EIF2A: variants seen among roughly 807,000 people sequenced by gnomAD.
EIF2A encodes eukaryotic translation initiation factor 2A.
Under a neutral mutation model 75.2 loss-of-function variants are expected in EIF2A, and 62 were observed. The observed-to-expected ratio is 0.82, with a 90% confidence interval of 0.67 to 1.02. The LOEUF is 1.02. EIF2A is among the 50% of genes least tolerant of loss of function. The pLI is 0.00. For missense variants in EIF2A, 611 were observed against 677.7 expected, an observed-to-expected ratio of 0.90 and a Z score of 1.09; for synonymous variants, 207 against 239.0, an observed-to-expected ratio of 0.87 and a Z score of 1.23.
At chr3:150,566,451 AG>A in intron 6 of EIF2A, 1 of 152,316 alleles carries the variant, frequency 6.6e-6, no homozygotes, top group East Asian at 1.9e-4. Flanking sequence ...GCAAAAAAAA[AG>A]GTATTTAGGT....
At position 150,564,398 on chromosome 3, in the gene EIF2A, G is replaced by T; in HGVS notation, c.475+17G>T. 2 of 1,559,922 alleles carry T rather than the reference G, an allele frequency of 1.3e-6. No individual in the cohort carries two copies. The highest frequency in any genetic ancestry group is 1.2e-5 in the South Asian group (1 of 82,342). On this transcript the variant is annotated intron_variant, in intron 6 of 13. Coordinates refer to ENST00000460851, the MANE Select transcript of EIF2A (RefSeq NM_032025.5). ...ACAATTTTAGTATGGAAAGATTTAT[G>T]ACATAATTTTATTACTTACTGTAAT...
chr3:150,572,528 T>C lies in EIF2A; in HGVS notation c.1382T>C (p.Leu461Ser), dbSNP rs1724596950. 1 of 1,598,922 alleles carries C rather than the reference T, an allele frequency of 6.3e-7. No individual in the cohort carries two copies. Among genetic ancestry groups the C allele is most frequent in the African/African-American group, 1.4e-5 (1 of 74,018 alleles). ...AATAAACCAATCACCAATTCCAAAT[T>C]GGTAAGTAAAGTTTTACTACTTTTA... ...LRNKPITNSK[L>S]HEEEPPQNMK... The change falls in exon 10 of 14, where the codon TTG becomes TCG. Residue 461 changes from leucine to serine, a missense_variant and splice_region_variant. Coordinates refer to ENST00000460851, the MANE Select transcript of EIF2A (RefSeq NM_032025.5).
chr3:150,563,571 G>T lies in EIF2A; in HGVS notation c.349G>T (p.Gly117Trp). 1 of 1,541,762 alleles carries T rather than the reference G, an allele frequency of 6.5e-7. No homozygotes were observed. Among genetic ancestry groups the T allele is most frequent in the South Asian group, 1.2e-5 (1 of 80,186 alleles). Reference protein sequence around the residue: ...PNLQLYDVKTGTCLKSFIQKK... With the variant: ...PNLQLYDVKTWTCLKSFIQKK... Reference sequence around the variant, plus strand: ...CCTACAACTTTATGATGTGAAAACTGGGACATGTTTGAAATCTTTCATCCA... The same window carrying T: ...CCTACAACTTTATGATGTGAAAACTTGGACATGTTTGAAATCTTTCATCCA... The change falls in exon 5 of 14, where the codon GGG (glycine) becomes TGG (tryptophan). Residue 117 changes from glycine (G) to tryptophan (W), a missense_variant. By Grantham distance (184) the Gly-to-Trp change is radical. Transcript: ENST00000460851.
At position 150,572,105 on chromosome 3, in the gene EIF2A, C is replaced by T; in HGVS notation, c.959C>T (p.Ala320Val). 6.2e-7 allele frequency: 1 copy of T among 1,613,898 alleles called. No individual in the cohort carries two copies. Among genetic ancestry groups the T allele is most frequent in the Non-Finnish European group, 8.5e-7 (1 of 1,179,880 alleles). ...TTTGGAACTGGTCCTCGTAATGCAG[C>T]CTACTATAGCCCTCATGGACATATA... is the stretch of plus-strand genomic sequence containing the variant. Reference protein sequence around the residue: ...FDFGTGPRNAAYYSPHGHILV... With the variant: ...FDFGTGPRNAVYYSPHGHILV... Residue 320 changes from alanine (A) to valine (V), a missense_variant, in exon 10 of 14, where the codon GCC becomes GTC. Ala to Val is a moderately conservative substitution (Grantham distance 64, BLOSUM62 0). Coordinates refer to ENST00000460851, the MANE Select transcript of EIF2A (RefSeq NM_032025.5).
At chr3:150,583,126 A>C in intron 12 of EIF2A, 74 bp from the exon 13 acceptor site, 1 of 1,296,694 alleles carries the variant, frequency 7.7e-7, no homozygotes, top group Non-Finnish European at 1.1e-6. Flanking sequence ...CTTGAGTTTC[A>C]CATTCTTAAT....
At chr3:150,580,704 C>T (rs71306516) in intron 11 of EIF2A, among the ~76,000 whole-genome samples, 2,613 of 152,166 alleles carry the variant, frequency 0.017, 33 homozygotes, top group Non-Finnish European at 0.028. Flanking sequence ...TTGGCATATC[C>T]GAATTGCCAG....
intron 3 of EIF2A, among the ~76,000 whole-genome samples, chr3:150,562,086 C>T (rs1232916788): frequency 2.0e-5 from 3 of 151,764 alleles, no homozygotes; most frequent in African/African-American, 4.8e-5. Context: ...AGGTATTTCC[C>T]GCATATTTTC....
intron 11 of EIF2A, among the ~76,000 whole-genome samples, chr3:150,578,056 GC>G (rs1724970312): frequency 6.6e-6 from 1 of 151,924 alleles, no homozygotes; most frequent in African/African-American, 2.4e-5. Context: ...ACCTCTACTG[GC>G]CCTGGATATT....
At chr3:150,558,599 G>A (rs554411471) in intron 3 of EIF2A, 137 bp downstream of exon 3, 26 of 677,584 alleles carry the variant, frequency 3.8e-5, no homozygotes, top group South Asian at 1.9e-4. Context: ...ATTACCTCTC[G>A]TTACACAAAA....
Position 150,582,535 on chromosome 3 carries a change from C to T in EIF2A, c.1627-665C>T, listed in dbSNP as rs1197358324. Among the ~76,000 whole-genome samples, 5 of 152,010 alleles carry T rather than the reference C, an allele frequency of 3.3e-5. No individual in the cohort carries two copies. In the East Asian group the frequency reaches 7.8e-4, roughly 24 times the overall value. ...TTCACCGTGTTAGCCAGGATGGTTT[C>T]AATCTCCTGACCTCATGATCTGCCT... On this transcript the variant is annotated intron_variant, in intron 12 of 13. Coordinates refer to ENST00000460851, the MANE Select transcript of EIF2A (RefSeq NM_032025.5).
intron 13 of EIF2A, 134 bp downstream of exon 13, chr3:150,583,399 T>G: frequency 1.4e-6 from 1 of 729,890 alleles, no homozygotes; most frequent in South Asian, 2.3e-5. Flanking sequence ...GCCATATTCT[T>G]TTTAATGTTT....
chr3:150,557,416 T>C (rs889614252), intron 2 of EIF2A, among the ~76,000 whole-genome samples: 4 of 152,096 alleles, frequency 2.6e-5, no homozygotes, highest in Non-Finnish European at 4.4e-5. Context: ...TTTATTTTTA[T>C]TTTTTTGTGT....
At chr3:150,577,870 T>A (rs1344486731) in intron 11 of EIF2A, among the ~76,000 whole-genome samples, 2 of 152,264 alleles carry the variant, frequency 1.3e-5, no homozygotes, top group African/African-American at 4.8e-5. Flanking sequence ...CATATTCTGC[T>A]AAAATCTGGA....
intron 2 of EIF2A, among the ~76,000 whole-genome samples, chr3:150,554,092 T>G (rs1723447611): frequency 6.8e-6 from 1 of 147,848 alleles, no homozygotes; most frequent in Non-Finnish European, 1.5e-5. Flanking sequence ...TATAAAAGAC[T>G]AATGAGATTT....
chr3:150,570,828 A>T (rs1724469155), intron 9 of EIF2A, among the ~76,000 whole-genome samples: 1 of 151,368 alleles, frequency 6.6e-6, no homozygotes, highest in African/African-American at 2.4e-5. Context: ...GCACTTTGGG[A>T]GGCTGAGGCA....
chr3:150,573,496 C>G (rs1724666192), intron 10 of EIF2A, among the ~76,000 whole-genome samples: 1 of 152,214 alleles, frequency 6.6e-6, no homozygotes, highest in Non-Finnish European at 1.5e-5. Flanking sequence ...AGGTGATCCA[C>G]CCGCCTTGGC....
intron 10 of EIF2A, among the ~76,000 whole-genome samples, chr3:150,574,198 A>G (rs1388756530): frequency 6.6e-6 from 1 of 152,182 alleles, no homozygotes; most frequent in Non-Finnish European, 1.5e-5. Context: ...ACAGTCCCAT[A>G]ATAATTGATA....
intron 1 of EIF2A, among the ~76,000 whole-genome samples, chr3:150,550,411 A>G (rs1723257102): frequency 6.6e-6 from 1 of 152,172 alleles, no homozygotes; most frequent in Non-Finnish European, 1.5e-5. Flanking sequence ...AAAACAGTTT[A>G]TGTTCTGTTA....
At chr3:150,556,195 A>G (rs1723555418) in intron 2 of EIF2A, among the ~76,000 whole-genome samples, 2 of 152,176 alleles carry the variant, frequency 1.3e-5, no homozygotes, top group African/African-American at 4.8e-5. Context: ...AGGTAGATAC[A>G]AGGAGGCACA....
Sources: allele counts gnomAD v4.1 joint callset (sites outside exome capture counted in the v4.1 genomes callset), GRCh38; gene constraint gnomAD v4.1.1; transcripts MANE v1.5; gene names NCBI Gene and HGNC (gene_info 2026-07-23, HGNC 2026-07-21).